Variants in USP34 observed in about 807,000 individuals in gnomAD.
USP34 encodes the protein ubiquitin specific peptidase 34.
A neutral mutation model predicts 460.3 loss-of-function variants in USP34; 70 were observed. The ratio of observed to expected loss-of-function variants is 0.15; its 90% CI spans 0.13 to 0.19. The LOEUF (loss-of-function observed/expected upper bound fraction) is 0.19. Among genes scored for constraint, USP34 ranks in the 10% least tolerant of loss-of-function variants. The pLI is 1.00. For missense variants in USP34, 3,985 were observed against 4,236.2 expected (o/e 0.94, Z 1.65); for synonymous variants, 1,647 against 1,405.3 (o/e 1.17, Z -3.85).
At position 61,228,983 on chromosome 2, in the gene USP34, C is replaced by G; in HGVS notation, c.7212G>C (p.Met2404Ile). Residue 2404 changes from methionine (M) to isoleucine (I), a missense_variant, in exon 60 of 80, where the codon ATG becomes ATC. Physicochemically the swap from Met to Ile is conservative, Grantham distance 10 (BLOSUM62 1). Transcript: ENST00000398571. ...CACCAATATCTTCTACTGAGGTATC[C>G]ATATCATCTGACCTAAGAGACAATT... Reference protein sequence around the residue: ...QPGMEDGSDDMDTSVEDIGGR... With the variant: ...QPGMEDGSDDIDTSVEDIGGR... 1 of 1,587,180 alleles carries G rather than the reference C, an allele frequency of 6.3e-7. No homozygotes were observed. The highest frequency in any genetic ancestry group is 1.2e-5 in the South Asian group (1 of 86,730).
intron 1 of USP34, among the ~76,000 whole-genome samples, chr2:61,435,639 A>G (rs1334905666): frequency 6.6e-6 from 1 of 152,184 alleles, no homozygotes; most frequent in African/African-American, 2.4e-5. Context: ...AGGATATATA[A>G]TGTAGTAACT....
rs768454500 is a variant in USP34, at chr2:61,380,241, G to A, written c.942C>T (p.Ser314=). The change falls in exon 7 of 80, where the codon AGC becomes AGT. Residue 314 remains serine, a synonymous_variant. Coordinates refer to ENST00000398571, the MANE Select transcript of USP34 (RefSeq NM_014709.4). Reference sequence around the variant, plus strand: ...TAAAGTACTTAAATGCAAGATCTAGGCTTTCTTTATCAAAGCATAATGTTG... The same window carrying A: ...TAAAGTACTTAAATGCAAGATCTAGACTTTCTTTATCAAAGCATAATGTTG... ...LDTTLCFDKE[S]LDLAFKYFMS... 1 of 1,614,066 alleles carries A rather than the reference G, an allele frequency of 6.2e-7. No individual in the cohort carries two copies. The highest frequency in any genetic ancestry group is 8.5e-7 in the Non-Finnish European group (1 of 1,179,984).
chr2:61,225,296 T>C (rs974888411), intron 62 of USP34, among the ~76,000 whole-genome samples: 4 of 152,188 alleles, frequency 2.6e-5, no homozygotes, highest in South Asian at 2.1e-4. Context: ...TCCTGTAATA[T>C]ACATTAATAC....
intron 33 of USP34, among the ~76,000 whole-genome samples, chr2:61,291,155 C>A (rs1689839439): frequency 6.6e-6 from 1 of 152,054 alleles, no homozygotes; most frequent in Non-Finnish European, 1.5e-5. Flanking sequence ...TGTGAATTGA[C>A]ATTACTCCAA....
At position 61,449,225 on chromosome 2, in the gene USP34, G is replaced by GCAGCCTGGATGACA. The variant is rs555398227; in HGVS notation, c.43+21411_43+21424dup. Among the ~76,000 whole-genome samples the GCAGCCTGGATGACA allele has an allele frequency of 2.8e-3, 412 of 148,926 alleles. 3 individuals carry two copies. The highest frequency in any genetic ancestry group is 9.6e-3 in the African/African-American group (384 of 40,148). On this transcript the variant is annotated intron_variant, in intron 1 of 79. Coordinates refer to ENST00000398571, the MANE Select transcript of USP34 (RefSeq NM_014709.4). ...AAGGCAGAAGTCATGCCACTGTACT[G>GCAGCCTGGATGACA]CAGCCTGGATGACAGTGAGACTCCC... is the stretch of plus-strand genomic sequence containing the variant.
chr2:61,236,196 G>A lies in USP34; in HGVS notation c.6883C>T (p.Pro2295Ser). The change falls in exon 55 of 80, where the codon CCA becomes TCA. Residue 2295 changes from proline (P) to serine (S), a missense_variant. By Grantham distance (74) the Pro-to-Ser change is moderately conservative (BLOSUM62 -1). Coordinates refer to ENST00000398571, the MANE Select transcript of USP34 (RefSeq NM_014709.4). ...QLCSCIPSTL[P>S]DPKAVSLMTA... is the part of the protein sequence containing the mutation. ...ATTAAGGACACAGCTTTAGGATCTG[G>A]TAATGTACTGGGAATACAACTACAC... is the stretch of plus-strand genomic sequence containing the variant. 1 of 1,612,128 alleles carries A rather than the reference G, an allele frequency of 6.2e-7. No individual in the cohort carries two copies. Among genetic ancestry groups the A allele is most frequent in the South Asian group, 1.1e-5 (1 of 90,496 alleles).
chr2:61,408,522 A>T (rs1015239595), intron 2 of USP34, among the ~76,000 whole-genome samples: 1 of 152,136 alleles, frequency 6.6e-6, no homozygotes, highest in Non-Finnish European at 1.5e-5. Context: ...CTCCCACAAG[A>T]AGAAAAATAA....
At position 61,355,006 on chromosome 2, in the gene USP34, A is replaced by C. The variant is rs1286048738; in HGVS notation, c.1252-4313T>G. Among the ~76,000 whole-genome samples the C allele has an allele frequency of 6.6e-5, 10 of 152,226 alleles. No individual in the cohort carries two copies. The East Asian group carries it at 1.9e-3, about 29-fold the overall frequency. ...GTTGTTGCTGTATCCCCCATGAGGC[A>C]CTTGTCTCTATCCTGCAAGACAGGC... On this transcript the variant is annotated intron_variant, in intron 10 of 79. Transcript: ENST00000398571.
chr2:61,448,856 A>C (rs1310884456), intron 1 of USP34, among the ~76,000 whole-genome samples: 1 of 152,206 alleles, frequency 6.6e-6, no homozygotes, highest in East Asian at 1.9e-4. Context: ...ATTGAATAAC[A>C]AAAAGTGCAG....
At chr2:61,398,049 C>A (rs1236998526) in intron 3 of USP34, among the ~76,000 whole-genome samples, 1 of 151,876 alleles carries the variant, frequency 6.6e-6, no homozygotes, top group Non-Finnish European at 1.5e-5. Flanking sequence ...CTAGCTTGGG[C>A]AACAGAGCGA....
chr2:61,346,125 T>A (rs1691759527), intron 15 of USP34: 1 of 152,160 alleles, frequency 6.6e-6, no homozygotes, highest in South Asian at 2.1e-4. Context: ...TAAGCACTCA[T>A]ATCTTTTTTA....
intron 5 of USP34, among the ~76,000 whole-genome samples, chr2:61,384,831 C>T (rs886760854): frequency 6.6e-6 from 1 of 152,012 alleles, no homozygotes; most frequent in African/African-American, 2.4e-5. Context: ...AGGAACAAGA[C>T]AAGGAAGCCT....
intron 22 of USP34, among the ~76,000 whole-genome samples, chr2:61,318,445 G>C (rs1038314507): frequency 6.6e-6 from 1 of 152,158 alleles, no homozygotes; most frequent in African/African-American, 2.4e-5. Flanking sequence ...TTGTAGCTCT[G>C]TCTTGGGTCT....
chr2:61,269,456 A>G lies in USP34; in HGVS notation c.5434-3289T>C, dbSNP rs139807149. ...GCTGGGATTACAGTTGAGAGTTTAT[A>G]CATTTTAAGAGAGATGAATAAAAGT... On this transcript the variant is annotated intron_variant, in intron 41 of 79. Transcript: ENST00000398571. Among the ~76,000 whole-genome samples, 3 of 151,944 alleles carry G rather than the reference A, an allele frequency of 2.0e-5. No homozygotes were observed. In the East Asian group the frequency reaches 5.8e-4, roughly 29 times the overall value.
In USP34 at chr2:61,328,838, C is replaced by G. The variant is rs114461286; in HGVS notation, c.2930+2438G>C. On this transcript the variant is annotated intron_variant, in intron 20 of 79. Transcript: ENST00000398571. Reference sequence around the variant, plus strand: ...ACGAGGATGATTCACTTTATGACTTCCATTTCCCTTTCACTATGCCTCTCA... The same window carrying G: ...ACGAGGATGATTCACTTTATGACTTGCATTTCCCTTTCACTATGCCTCTCA... 1.7e-3 allele frequency among the ~76,000 whole-genome samples: 265 copies of G among 152,324 alleles called. 1 individual carries two copies. Among genetic ancestry groups the G allele is most frequent in the Middle Eastern group, 0.01 (3 of 294 alleles).
chr2:61,349,266 T>G lies in USP34; in HGVS notation c.1527A>C (p.Arg509Ser). ...TCAACTTACAAGGTGATGGAGCTGT[T>G]CTTCTAAGCTCTTCTTCCTCTGAAG... Reference protein sequence around the residue: ...GNKKEEEELRRTAPSPWSPAA... With the variant: ...GNKKEEEELRSTAPSPWSPAA... Residue 509 changes from arginine to serine, a missense_variant, in exon 13 of 80, where the codon AGA (arginine) becomes AGC (serine). By Grantham distance (110) the Arg-to-Ser change is moderately radical (BLOSUM62 -1). Coordinates refer to ENST00000398571, the MANE Select transcript of USP34 (RefSeq NM_014709.4). 1 of 1,613,456 alleles carries G rather than the reference T, an allele frequency of 6.2e-7. No homozygotes were observed. The highest frequency in any genetic ancestry group is 8.5e-7 in the Non-Finnish European group (1 of 1,179,780).
chr2:61,320,440 T>C (rs192420976), intron 21 of USP34, among the ~76,000 whole-genome samples: 197 of 152,330 alleles, frequency 1.3e-3, no homozygotes, highest in Non-Finnish European at 1.4e-3. Flanking sequence ...AGAAAACCCA[T>C]GCAGACATGG....
intron 5 of USP34, among the ~76,000 whole-genome samples, chr2:61,387,950 CACACACACAT>C (rs1212100663): frequency 8.1e-5 from 12 of 147,614 alleles, no homozygotes; most frequent in East Asian, 7.8e-4. Context: ...CACACACACA[CACACACACAT>C]ATATATATAT....
At chr2:61,424,060 G>A (rs1262686705) in intron 1 of USP34, among the ~76,000 whole-genome samples, 1 of 152,156 alleles carries the variant, frequency 6.6e-6, no homozygotes, top group African/African-American at 2.4e-5. Context: ...CAGCTGCTGT[G>A]GAAAACAGTA....
Sources: allele counts gnomAD v4.1 joint callset (sites outside exome capture counted in the v4.1 genomes callset), GRCh38; gene constraint gnomAD v4.1.1; transcripts MANE v1.5; gene names NCBI Gene and HGNC (gene_info 2026-07-23, HGNC 2026-07-21).